TACC1: variants seen among roughly 807,000 people sequenced by gnomAD.
TACC1 encodes the protein transforming acidic coiled-coil-containing protein 1.
In TACC1, 48 loss-of-function variants were observed where a neutral mutation model predicts 84.4. That is an observed-to-expected ratio of 0.57 (90% CI 0.45 to 0.72). The LOEUF (loss-of-function observed/expected upper bound fraction) is 0.72. TACC1 is among the 30% of genes least tolerant of loss of function. The pLI is 0.00. For synonymous variants in TACC1, 372 were observed against 376.3 expected (o/e 0.99, Z 0.13); for missense variants, 920 against 973.0 (o/e 0.95, Z 0.72).
In TACC1 at chr8:38,849,901, T is replaced by C. The variant is rs1832867510; in HGVS notation, c.*1878T>C. On this transcript the variant is annotated 3_prime_UTR_variant, in exon 13 of 13. Coordinates refer to ENST00000317827, the MANE Select transcript of TACC1 (RefSeq NM_006283.3). ...CGTGTCTCCCCTTGGTATAACTGAT[T>C]TCCTTTTTAGTCCTCTACTGCTAAA... 6.5e-6 allele frequency: 1 copy of C among 152,676 alleles called. No homozygotes were observed. The highest frequency in any genetic ancestry group is 2.4e-5 in the African/African-American group (1 of 41,460). 9.5% of individuals were successfully genotyped at this position (152,676 alleles called of 1,614,324 possible).
intron 3 of TACC1, among the ~76,000 whole-genome samples, chr8:38,762,007 T>A (rs1372826485): frequency 6.6e-6 from 1 of 152,236 alleles, no homozygotes; most frequent in Non-Finnish European, 1.5e-5. Context: ...TATTTGTATC[T>A]ACTGAATTTA....
At position 38,838,543 on chromosome 8, in the gene TACC1, T is replaced by TGA; in HGVS notation, c.1915_1916dup (p.Lys640GlyfsTer4). 6.2e-7 allele frequency: 1 copy of TGA among 1,613,444 alleles called. No homozygotes were observed. Among genetic ancestry groups the TGA allele is most frequent in the Non-Finnish European group, 8.5e-7 (1 of 1,179,430 alleles). The stretch of plus-strand genomic sequence containing the variant: ...GAGACCCGGCAAGAAGTTTTGGAGA[T>TGA]GAGGTTAGACTGGAGGTTTTGGGGA... On this transcript the variant is annotated frameshift_variant, in exon 8 of 13. Coordinates refer to ENST00000317827, the MANE Select transcript of TACC1 (RefSeq NM_006283.3). LOFTEE classifies it high-confidence loss of function.
At chr8:38,759,207 T>C (rs1810725070) in intron 3 of TACC1, among the ~76,000 whole-genome samples, 1 of 152,224 alleles carries the variant, frequency 6.6e-6, no homozygotes, top group Admixed American at 6.5e-5. Flanking sequence ...TTAACTCCTC[T>C]GTGTCTGTTT....
In TACC1 at chr8:38,830,234, A is replaced by T. The variant is rs768058602; in HGVS notation, c.1661-891A>T. 5.3e-5 allele frequency among the ~76,000 whole-genome samples: 8 copies of T among 152,222 alleles called. No homozygotes were observed. The South Asian group carries it at 1.0e-3, about 20-fold the overall frequency. On this transcript the variant is annotated intron_variant, in intron 5 of 12. Transcript: ENST00000317827. ...CTTTTGTATGCTTTTCTGTATTTTT[A>T]TGTTTACTTTAATGAGTGCATCTTC...
upstream of TACC1, among the ~76,000 whole-genome samples, chr8:38,783,088 A>C (rs1040485285): frequency 1.8e-5 from 2 of 109,832 alleles, no homozygotes; most frequent in Admixed American, 8.7e-5. Context: ...CTATCTATCT[A>C]TCTATCTATC....
At chr8:38,804,726 C>T (rs1015982422) in intron 2 of TACC1, among the ~76,000 whole-genome samples, 1 of 152,224 alleles carries the variant, frequency 6.6e-6, no homozygotes, top group Non-Finnish European at 1.5e-5. Context: ...CCTCAGCCTC[C>T]TGAGTAGCTA....
chr8:38,770,667 T>C (rs1338421498), intron 3 of TACC1, among the ~76,000 whole-genome samples: 1 of 152,144 alleles, frequency 6.6e-6, no homozygotes, highest in African/African-American at 2.4e-5. Flanking sequence ...TGACTGACTT[T>C]AATTAAAGTG....
chr8:38,838,661 G>A, intron 8 of TACC1, 115 bp downstream of exon 8: 1 of 819,394 alleles, frequency 1.2e-6, no homozygotes, highest in Non-Finnish European at 2.0e-6. Context: ...AGAGCTTGAG[G>A]GCTTTGCTGT....
At chr8:38,831,520 C>T (rs777116896) in intron 6 of TACC1, among the ~76,000 whole-genome samples, 5 of 152,054 alleles carry the variant, frequency 3.3e-5, no homozygotes, top group Non-Finnish European at 5.9e-5. Flanking sequence ...TTATTTGAGA[C>T]AGTCTCACTC....
At chr8:38,742,319 T>A in intron 1 of TACC1, 1 of 980,348 alleles carries the variant, frequency 1.0e-6, no homozygotes, top group South Asian at 2.3e-5. Context: ...TGATTAAGCA[T>A]GTGACTCCCA....
chr8:38,820,676 G>A, intron 3 of TACC1, 41 bp downstream of exon 3: 1 of 1,562,602 alleles, frequency 6.4e-7, no homozygotes, highest in Non-Finnish European at 8.6e-7. Context: ...TCTGTGTCTT[G>A]TCTGTTGAGT....
In TACC1 at chr8:38,767,821, T is replaced by C. The variant is rs1563344577; in HGVS notation, c.27-20883T>C. ...GGCTCACGTCTGTAATCCCAACACT[T>C]TGGGAGTCTGAGGTGGGAGGATCAT... On this transcript the variant is annotated intron_variant, in intron 3 of 14. Transcript: ENST00000518415. Among the ~76,000 whole-genome samples the C allele has an allele frequency of 3.3e-5, 5 of 152,230 alleles. No homozygotes were observed. The South Asian group carries it at 1.0e-3, about 32-fold the overall frequency.
chr8:38,736,211 ATT>A (rs1003027512), intron 1 of TACC1, among the ~76,000 whole-genome samples: 1 of 152,220 alleles, frequency 6.6e-6, no homozygotes, highest in Non-Finnish European at 1.5e-5. Context: ...CACCCAGATA[ATT>A]CAGGATAGTC....
chr8:38,788,357 A>T lies in TACC1; in HGVS notation c.162-347A>T, dbSNP rs562732654. ...CTAACTCGGGGGTGGGACCAGTATT[A>T]ATTGTTAAAGCCTCTGGGAAAGGGC... On this transcript the variant is annotated intron_variant, in intron 1 of 12. Coordinates refer to ENST00000317827, the MANE Select transcript of TACC1 (RefSeq NM_006283.3). 3 of 222,046 alleles carry T rather than the reference A, an allele frequency of 1.4e-5. 1 individual carries two copies. The South Asian group carries it at 2.1e-4, about 15-fold the overall frequency. 13.8% of individuals were successfully genotyped at this position (222,046 alleles called of 1,614,324 possible).
chr8:38,742,579 A>T (rs1807278581), intron 2 of TACC1: 4 of 701,502 alleles, frequency 5.7e-6, no homozygotes, highest in Non-Finnish European at 9.0e-6. Context: ...GGAAATAATG[A>T]TCGAGGAAAG....
chr8:38,843,755 T>C (rs1831697431), intron 11 of TACC1, among the ~76,000 whole-genome samples: 1 of 152,224 alleles, frequency 6.6e-6, no homozygotes, highest in South Asian at 2.1e-4. Flanking sequence ...AGCTTCCTCT[T>C]TTTTTTCTAA....
At chr8:38,778,977 T>C (rs947074894) in intron 3 of TACC1, among the ~76,000 whole-genome samples, 1 of 151,780 alleles carries the variant, frequency 6.6e-6, no homozygotes, top group Non-Finnish European at 1.5e-5. Flanking sequence ...TTGGGTTTTT[T>C]TTTTTTTTTT....
At chr8:38,819,371 G>A in intron 2 of TACC1, 151 bp from the exon 3 acceptor site, 1 of 893,630 alleles carries the variant, frequency 1.1e-6, no homozygotes, top group Non-Finnish European at 1.7e-6. Context: ...TTCTCTTTCA[G>A]GCTGTGCTGC....
intron 2 of TACC1, among the ~76,000 whole-genome samples, chr8:38,798,916 GT>G (rs1820669594): frequency 6.6e-6 from 1 of 152,152 alleles, no homozygotes; most frequent in Non-Finnish European, 1.5e-5. Flanking sequence ...TGATGACTAA[GT>G]GAGAACGAAC....
Sources: allele counts gnomAD v4.1 joint callset (sites outside exome capture counted in the v4.1 genomes callset), GRCh38; gene constraint gnomAD v4.1.1; transcripts MANE v1.5; gene names NCBI Gene and HGNC (gene_info 2026-07-23, HGNC 2026-07-21).